ALMS1: variants seen among roughly 807,000 people sequenced by gnomAD.
ALMS1 encodes centrosome-associated protein ALMS1.
ALMS1 carries 271 observed loss-of-function variants against 352.2 expected under a neutral mutation model. That is an observed-to-expected ratio of 0.77 (90% CI 0.70 to 0.85). The LOEUF is 0.85. ALMS1 is among the 40% of genes least tolerant of loss of function. The pLI, the probability that ALMS1 is intolerant of heterozygous loss-of-function variation, is 0.00. For missense variants in ALMS1, 5,445 were observed against 4,870.7 expected (o/e 1.12, Z -3.51); for synonymous variants, 1,865 against 1,761.2 (o/e 1.06, Z -1.48).
intron 17 of ALMS1, 26 bp from the exon 18 acceptor site, chr2:73,600,652 G>A: frequency 6.3e-7 from 1 of 1,598,884 alleles, no homozygotes; most frequent in South Asian, 1.1e-5. Context: ...GTTACTCCCA[G>A]AGACACCTAT....
At position 73,489,592 on chromosome 2, in the gene ALMS1, T is replaced by A. The variant is rs780721078; in HGVS notation, c.7675-42T>A. On this transcript the variant is annotated intron_variant, in intron 9 of 22. Coordinates refer to ENST00000613296, the MANE Select transcript of ALMS1 (RefSeq NM_001378454.1). ...TAAAACTGATTTGTTTATAACTACT[T>A]GGACTACTTCAAATAAGAACCTGTT... 1.2e-5 allele frequency: 19 copies of A among 1,609,254 alleles called. No individual in the cohort carries two copies. The East Asian group carries it at 4.0e-4, about 34-fold the overall frequency.
intron 1 of ALMS1, among the ~76,000 whole-genome samples, chr2:73,402,270 C>CT (rs61360284): frequency 0.028 from 3,497 of 122,806 alleles, 116 homozygotes; most frequent in East Asian, 0.11. Flanking sequence ...TTCTCTCTCT[C>CT]TTTTTTTTTT....
chr2:73,609,027 C>T (rs1479290075), intron 22 of ALMS1, among the ~76,000 whole-genome samples: 1 of 152,268 alleles, frequency 6.6e-6, no homozygotes, highest in Non-Finnish European at 1.5e-5. Flanking sequence ...ATGCCCTGCC[C>T]ATTGTCCCAG....
intron 16 of ALMS1, 34 bp downstream of exon 16, chr2:73,573,458 C>G (rs2104108778): frequency 6.2e-7 from 1 of 1,608,508 alleles, no homozygotes; most frequent in East Asian, 2.2e-5. Context: ...GGCAATGTGA[C>G]TGCCCTCTTC....
chr2:73,578,543 C>T (rs1011213878), intron 16 of ALMS1, among the ~76,000 whole-genome samples: 9 of 151,690 alleles, frequency 5.9e-5, no homozygotes, highest in African/African-American at 1.7e-4. Flanking sequence ...TATTTTCTTA[C>T]GGGTTACATT....
chr2:73,609,315 A>G (rs1461293256), intron 22 of ALMS1, among the ~76,000 whole-genome samples: 1 of 152,240 alleles, frequency 6.6e-6, no homozygotes, highest in Non-Finnish European at 1.5e-5. Flanking sequence ...TCCTTATGCT[A>G]CTGTATGTGG....
intron 16 of ALMS1, among the ~76,000 whole-genome samples, chr2:73,596,511 A>G (rs2104179055): frequency 6.8e-6 from 1 of 146,312 alleles, no homozygotes; most frequent in Non-Finnish European, 1.5e-5. Flanking sequence ...TCACTCTGTC[A>G]TCAAGGCGGG....
chr2:73,479,857 C>T (rs1210062481), intron 9 of ALMS1, among the ~76,000 whole-genome samples: 2 of 152,114 alleles, frequency 1.3e-5, no homozygotes, highest in Non-Finnish European at 2.9e-5. Context: ...AGTAATCCGT[C>T]TACTCCATAT....
At chr2:73,474,411 C>CTGTGTCTGTT (rs10526164) in intron 9 of ALMS1, among the ~76,000 whole-genome samples, 1 of 148,420 alleles carries the variant, frequency 6.7e-6, no homozygotes, top group Admixed American at 6.7e-5. Flanking sequence ...GTGTGTGTGT[C>CTGTGTCTGTT]TATTGGTTTA....
chr2:73,510,965 C>A (rs1572984966), intron 10 of ALMS1, among the ~76,000 whole-genome samples: 1 of 152,196 alleles, frequency 6.6e-6, no homozygotes, highest in African/African-American at 2.4e-5. Flanking sequence ...TTGGAAATTC[C>A]CAGCGGCTTT....
chr2:73,597,557 A>G (rs181066048), intron 16 of ALMS1, among the ~76,000 whole-genome samples: 1 of 152,246 alleles, frequency 6.6e-6, no homozygotes, highest in East Asian at 1.9e-4. Flanking sequence ...CCCTTTTTTA[A>G]GGAGAAAATA....
intron 10 of ALMS1, among the ~76,000 whole-genome samples, chr2:73,510,036 G>A (rs1351737338): frequency 6.6e-6 from 1 of 152,016 alleles, no homozygotes; most frequent in African/African-American, 2.4e-5. Flanking sequence ...TATGCTTCTC[G>A]AATTTCTCAT....
intron 10 of ALMS1, among the ~76,000 whole-genome samples, chr2:73,510,635 G>GT (rs1009174231): frequency 2.0e-5 from 3 of 152,180 alleles, no homozygotes; most frequent in Non-Finnish European, 4.4e-5. Context: ...GCTCTCCTGT[G>GT]TGAGGTGTCT....
intron 9 of ALMS1, among the ~76,000 whole-genome samples, chr2:73,457,747 T>A (rs1024413561): frequency 6.6e-6 from 1 of 152,016 alleles, no homozygotes; most frequent in Non-Finnish European, 1.5e-5. Flanking sequence ...AGTCTAAAAC[T>A]TTTGGCTGGG....
intron 10 of ALMS1, among the ~76,000 whole-genome samples, chr2:73,500,178 A>G (rs1361543640): frequency 1.3e-5 from 2 of 152,214 alleles, no homozygotes; most frequent in Non-Finnish European, 2.9e-5. Flanking sequence ...AGTCTTGTTT[A>G]AATGCCATAG....
At chr2:73,480,689 C>G (rs1331660612) in intron 9 of ALMS1, among the ~76,000 whole-genome samples, 4 of 150,360 alleles carry the variant, frequency 2.7e-5, no homozygotes, top group Non-Finnish European at 4.5e-5. Flanking sequence ...TACAGTCCCA[C>G]CAACAGTGTA....
At chr2:73,567,090 G>A (rs1356789430) in intron 15 of ALMS1, among the ~76,000 whole-genome samples, 3 of 152,108 alleles carry the variant, frequency 2.0e-5, no homozygotes, top group Non-Finnish European at 2.9e-5. Context: ...CCATTACATA[G>A]GCAATATTGA....
chr2:73,444,952 A>G (rs1286762705), intron 7 of ALMS1, among the ~76,000 whole-genome samples: 1 of 152,138 alleles, frequency 6.6e-6, no homozygotes, highest in East Asian at 1.9e-4. Flanking sequence ...ATGATATAGT[A>G]ATTAATTAGA....
At chr2:73,534,712 C>T (rs1002753124) in intron 11 of ALMS1, 112 bp from the exon 12 acceptor site, 4 of 1,135,994 alleles carry the variant, frequency 3.5e-6, no homozygotes, top group Middle Eastern at 2.1e-4. Context: ...TTTGTTTACT[C>T]ATAAATTCCA....
Sources: allele counts gnomAD v4.1 joint callset (sites outside exome capture counted in the v4.1 genomes callset), GRCh38; gene constraint gnomAD v4.1.1; transcripts MANE v1.5; gene names NCBI Gene and HGNC (gene_info 2026-07-23, HGNC 2026-07-21).